Variants in CPSF4L observed in about 807,000 individuals in gnomAD.
The protein encoded by CPSF4L is putative cleavage and polyadenylation specificity factor subunit 4-like protein.
CPSF4L carries 18 observed loss-of-function variants against 24.0 expected under a neutral mutation model. The observed-to-expected ratio is 0.75, with a 90% confidence interval of 0.52 to 1.11. CPSF4L has a LOEUF of 1.11. Ranked by LOEUF, CPSF4L falls within the 50% of genes least tolerant of loss-of-function variation. The pLI, the probability that CPSF4L is intolerant of heterozygous loss-of-function variation, is 0.00. For synonymous variants in CPSF4L, 72 were observed against 77.2 expected (o/e 0.93, Z 0.35); for missense variants, 211 against 221.8 (o/e 0.95, Z 0.31).
At chr17:73,251,037 GA>G (rs1568330829) in intron 5 of CPSF4L, 6 of 1,550,036 alleles carry the variant, frequency 3.9e-6, no homozygotes, top group Non-Finnish European at 5.2e-6. Flanking sequence ...CTCTGTTGGG[GA>G]TGGGGGTTTC....
Position 73,254,641 on chromosome 17 carries a change from CATTATT to C in CPSF4L, c.308-621_308-616del, listed in dbSNP as rs893644069. ...CAGTAGGCCCAGGCTACCCAAGTGTCATTATTATTATTATTATTTTGAGACAGGGTT... is the reference window on the plus strand; with the variant it reads ...CAGTAGGCCCAGGCTACCCAAGTGTCATTATTATTATTTTGAGACAGGGTT... On this transcript the variant is annotated intron_variant, in intron 3 of 5. Coordinates refer to ENST00000344935, the MANE Select transcript of CPSF4L (RefSeq NM_001129885.1). 2.6e-5 allele frequency among the ~76,000 whole-genome samples: 4 copies of C among 151,976 alleles called. No individual in the cohort carries two copies. The South Asian group carries it at 6.2e-4, about 24-fold the overall frequency.
chr17:73,245,469 T>C, downstream of CPSF4L: 11 of 1,112,828 alleles, frequency 9.9e-6, no homozygotes, highest in Non-Finnish European at 1.2e-5. Context: ...CATAAAGTTG[T>C]TATTCAAGGA....
At chr17:73,243,344 G>A in the CPSF4L span, 1 of 350,682 alleles carries the variant, frequency 2.9e-6, no homozygotes, top group East Asian at 7.5e-5. Context: ...AGTAGAGACG[G>A]GGTTTCTCCA....
intron 5 of CPSF4L, among the ~76,000 whole-genome samples, chr17:73,252,137 T>C (rs2062008296): frequency 6.6e-6 from 1 of 152,058 alleles, no homozygotes; most frequent in Non-Finnish European, 1.5e-5. Flanking sequence ...TGACGGCACG[T>C]GCCTGCCTGC....
rs1207045416 is a variant in CPSF4L at position 73,252,671 on chromosome 17, T to G, written c.456A>C (p.Leu152Phe). 5 of 1,551,426 alleles carry G rather than the reference T, an allele frequency of 3.2e-6. No homozygotes were observed. The highest frequency in any genetic ancestry group is 4.4e-6 in the Non-Finnish European group (5 of 1,146,916). Residue 152 changes from leucine (L) to phenylalanine (F), a missense_variant, in exon 5 of 6, where the codon TTA becomes TTC. Transcript: ENST00000344935. ...HVPRIMCLNY[L>F]VGFCPEGPKC... ...TGGGTCCCTCGGGGCAGAAGCCAAC[T>G]AAATAGTTGAGACACATTATTCTGG...
intron 3 of CPSF4L, among the ~76,000 whole-genome samples, chr17:73,257,065 C>A (rs898048931): frequency 2.0e-5 from 3 of 152,044 alleles, no homozygotes; most frequent in Non-Finnish European, 4.4e-5. Context: ...ACAAAGGATG[C>A]CTTGAAGCCA....
rs2061982592 is a variant in CPSF4L, at chr17:73,248,470, GC to G, written c.*23del. On this transcript the variant is annotated 3_prime_UTR_variant, in exon 6 of 6. Transcript: ENST00000344935. ...TCTGCCCTGTCTGTGGCATTGGAGT[GC>G]CCCGCTAGGTAAGAAGCAACGCTTA... The G allele has an allele frequency of 6.4e-7, 1 of 1,550,664 alleles. No homozygotes were observed. The highest frequency in any genetic ancestry group is 1.2e-5 in the South Asian group (1 of 84,044).
intron 2 of CPSF4L, among the ~76,000 whole-genome samples, chr17:73,258,213 T>A (rs576335790): frequency 7.9e-5 from 12 of 152,232 alleles, no homozygotes; most frequent in African/African-American, 2.9e-4. Context: ...GGTTTCACCG[T>A]GTTAGCCAGG....
At chr17:73,259,434 G>A (rs1182525249) in intron 2 of CPSF4L, among the ~76,000 whole-genome samples, 1 of 152,108 alleles carries the variant, frequency 6.6e-6, no homozygotes, top group African/African-American at 2.4e-5. Flanking sequence ...TCCAGCCTCT[G>A]CCTCTCAAAG....
rs190766497 is a variant in CPSF4L at position 73,250,609 on chromosome 17, A to G, written c.497+2021T>C. On this transcript the variant is annotated intron_variant, in intron 5 of 5. Transcript: ENST00000344935. ...CAGTTTAGAAGCTATGAGAATGAAG[A>G]TATGATCAAACATGATTTTTTTTCT... 1.6e-4 allele frequency among the ~76,000 whole-genome samples: 24 copies of G among 152,294 alleles called. No individual in the cohort carries two copies. The East Asian group carries it at 4.4e-3, about 28-fold the overall frequency.
At position 73,257,824 on chromosome 17, in the gene CPSF4L, CAG is replaced by C. The variant is rs1568332442; in HGVS notation, c.162_163del (p.Cys55ProfsTer5). The C allele has an allele frequency of 5.2e-6, 8 of 1,551,282 alleles. No homozygotes were observed. The South Asian group carries it at 9.5e-5, about 18-fold the overall frequency. On this transcript the variant is annotated frameshift_variant, in exon 3 of 6. Transcript: ENST00000344935. LOFTEE classifies it high-confidence loss of function. ...CTCCCCTCGGTCATGTCGGAAGGGG[CAG>C]AGTTTCCCTGGAGATGCCAGAGCAC...
Position 73,257,686 on chromosome 17 carries a change from T to G in CPSF4L, c.302A>C (p.Lys101Thr). The G allele has an allele frequency of 6.4e-7, 1 of 1,551,312 alleles. No individual in the cohort carries two copies. The highest frequency in any genetic ancestry group is 8.7e-7 in the Non-Finnish European group (1 of 1,146,882). Residue 101 changes from lysine (K) to threonine (T), a missense_variant, in exon 3 of 6, where the codon AAG (lysine) becomes ACG (threonine). By Grantham distance (78) the Lys-to-Thr change is moderately conservative (BLOSUM62 -1). Transcript: ENST00000344935. ...TRMPECYFYSKFGDCSNKECS... is the reference protein window; with the variant it reads ...TRMPECYFYSTFGDCSNKECS... The stretch of plus-strand genomic sequence containing the variant: ...GAGCCAGGAAGAGGCCTTACCAAAC[T>G]TGGAGTAGAAGTAGCACTCAGGCAT...
chr17:73,252,746 T>C, intron 4 of CPSF4L, 23 bp from the exon 5 acceptor site: 2 of 1,501,446 alleles, frequency 1.3e-6, no homozygotes, highest in Non-Finnish European at 9.0e-7. Flanking sequence ...GAGAAAGTGA[T>C]GAGAAGGATC....
At chr17:73,248,254 G>A (rs768056191), downstream of CPSF4L, 16 of 497,260 alleles carry the variant, frequency 3.2e-5, no homozygotes, top group Non-Finnish European at 4.0e-5. Context: ...TCCTCAGAAC[G>A]AATAGTAGAC....
intron 5 of CPSF4L, chr17:73,248,817 G>T: frequency 5.4e-6 from 2 of 369,098 alleles, no homozygotes; most frequent in South Asian, 6.6e-5. Context: ...GGAATGTGTA[G>T]TTTTTCTAAT....
At chr17:73,244,005 A>C (rs921363602), downstream of CPSF4L, among the ~76,000 whole-genome samples, 12 of 152,204 alleles carry the variant, frequency 7.9e-5, no homozygotes, top group Non-Finnish European at 1.0e-4. Context: ...GTCACTTACC[A>C]ATGTGTCTAA....
intron 5 of CPSF4L, 57 bp from the exon 6 acceptor site, chr17:73,248,593 T>C: frequency 6.6e-7 from 1 of 1,516,228 alleles, no homozygotes; most frequent in Non-Finnish European, 9.0e-7. Context: ...CATATTCACC[T>C]TCCCATCCAT....
chr17:73,246,126 A>G (rs1313219399), downstream of CPSF4L, among the ~76,000 whole-genome samples: 1 of 152,100 alleles, frequency 6.6e-6, no homozygotes, highest in African/African-American at 2.4e-5. Context: ...CTCCTTTCTA[A>G]CGTAGAGGGT....
In CPSF4L at chr17:73,253,724, C is replaced by A. The variant is rs1359165394; in HGVS notation, c.403+207G>T. On this transcript the variant is annotated intron_variant, in intron 4 of 5. Transcript: ENST00000344935. ...TACATGCTGAAGGTAGGATTTGAAC[C>A]CAAGTCAGTCTGCCTCAAGCCTGTT... Among the ~76,000 whole-genome samples the A allele has an allele frequency of 4.6e-5, 7 of 152,228 alleles. No individual in the cohort carries two copies. In the East Asian group the frequency reaches 1.3e-3, roughly 29 times the overall value.
Sources: gnomAD v4.1 joint callset for allele counts (sites outside exome capture counted in the v4.1 genomes callset) on GRCh38, gnomAD v4.1.1 for gene constraint, MANE v1.5 for transcripts, NCBI Gene and HGNC (gene_info 2026-07-23, HGNC 2026-07-21) for gene names.